TENM2: variants seen among roughly 807,000 people sequenced by gnomAD.
The protein encoded by TENM2 is teneurin-2.
TENM2 carries 52 observed loss-of-function variants against 245.2 expected under a neutral mutation model. The observed-to-expected ratio is 0.21, with a 90% CI of 0.17 to 0.27. The LOEUF is 0.27. TENM2 is among the 10% of genes least tolerant of loss of function. The probability of loss-of-function intolerance (pLI) is 1.00; values close to 1 mark genes in which losing one functional copy is unlikely to be tolerated. For synonymous variants in TENM2, 1,363 were observed against 1,438.9 expected (o/e 0.95, Z 1.19); for missense variants, 3,046 against 3,666.8 (o/e 0.83, Z 4.37).
chr5:167,436,759 A>G (rs1397123526), intron 2 of TENM2, among the ~76,000 whole-genome samples: 1 of 152,082 alleles, frequency 6.6e-6, no homozygotes, highest in Non-Finnish European at 1.5e-5. Context: ...GCCATGACTA[A>G]AAGGGGCCAA....
At chr5:167,710,890 G>A (rs1352204925) in intron 2 of TENM2, among the ~76,000 whole-genome samples, 1 of 152,172 alleles carries the variant, frequency 6.6e-6, no homozygotes, top group Non-Finnish European at 1.5e-5. Flanking sequence ...CGGTAATCTA[G>A]GGCAAAGATG....
chr5:168,192,661 C>T (rs755386766), intron 14 of TENM2, among the ~76,000 whole-genome samples: 8 of 152,142 alleles, frequency 5.3e-5, no homozygotes, highest in Non-Finnish European at 8.8e-5. Flanking sequence ...AAAGAAACCA[C>T]AGATCTCTGA....
At chr5:167,876,238 G>A (rs1265599485) in intron 3 of TENM2, 43 bp downstream of exon 5, 1 of 1,457,766 alleles carries the variant, frequency 6.9e-7, no homozygotes, top group Non-Finnish European at 9.4e-7. Flanking sequence ...TGTTTCGTGA[G>A]TGACATTCTT....
chr5:167,705,991 ATTTATT>A (rs1328405777), intron 2 of TENM2, among the ~76,000 whole-genome samples: 21 of 72,798 alleles, frequency 2.9e-4, no homozygotes, highest in African/African-American at 1.8e-3. Flanking sequence ...ATATATATAT[ATTTATT>A]TATTTATTTA....
At chr5:168,079,915 G>C (rs1791830576) in intron 7 of TENM2, among the ~76,000 whole-genome samples, 1 of 152,154 alleles carries the variant, frequency 6.6e-6, no homozygotes, top group Non-Finnish European at 1.5e-5. Flanking sequence ...TCTCTGCCAG[G>C]CTTTGGTATC....
chr5:168,100,924 T>TAAA (rs11307488), intron 9 of TENM2, among the ~76,000 whole-genome samples: 6 of 138,470 alleles, frequency 4.3e-5, no homozygotes, highest in African/African-American at 1.6e-4. Flanking sequence ...CAAGTATAAT[T>TAAA]AAAAAAAAAA....
At chr5:167,439,693 A>G (rs1176348595) in intron 2 of TENM2, among the ~76,000 whole-genome samples, 1 of 152,236 alleles carries the variant, frequency 6.6e-6, no homozygotes, top group Non-Finnish European at 1.5e-5. Flanking sequence ...ATTGGCATGT[A>G]GTAACTTTCT....
intron 1 of TENM2, among the ~76,000 whole-genome samples, chr5:167,324,516 C>G (rs1057266842): frequency 3.9e-5 from 6 of 151,918 alleles, no homozygotes; most frequent in African/African-American, 1.5e-4. Flanking sequence ...CTGTTTTGAT[C>G]ACAAAACTCT....
intron 2 of TENM2, among the ~76,000 whole-genome samples, chr5:167,685,560 T>C (rs377037454): frequency 2.0e-5 from 3 of 152,344 alleles, no homozygotes; most frequent in Non-Finnish European, 4.4e-5. Flanking sequence ...TTCATTGATA[T>C]ATCAGTAGTT....
At chr5:167,749,667 C>T (rs1028928488) in intron 2 of TENM2, among the ~76,000 whole-genome samples, 2 of 151,400 alleles carry the variant, frequency 1.3e-5, no homozygotes, top group African/African-American at 2.4e-5. Flanking sequence ...GGGAAGAGAG[C>T]AATATTTATA....
Position 168,179,835 on chromosome 5 carries a change from G to A in TENM2, c.2570-10502G>A, listed in dbSNP as rs561959111. ...TGGTGGTGTCTTAATAAAGGCATGCGTTTAAAGTACCTAACCCAGTGCCAG... is the reference window on the plus strand; with the variant it reads ...TGGTGGTGTCTTAATAAAGGCATGCATTTAAAGTACCTAACCCAGTGCCAG... On this transcript the variant is annotated intron_variant, in intron 13 of 28. Coordinates refer to ENST00000518659, the Ensembl canonical transcript of TENM2. 2.6e-4 allele frequency among the ~76,000 whole-genome samples: 40 copies of A among 152,310 alleles called. 1 individual carries two copies. Among genetic ancestry groups the A allele is most frequent in the Middle Eastern group, 3.4e-3 (1 of 294 alleles).
At chr5:167,897,729 T>C (rs1212595154) in intron 3 of TENM2, among the ~76,000 whole-genome samples, 1 of 152,126 alleles carries the variant, frequency 6.6e-6, no homozygotes, top group African/African-American at 2.4e-5. Context: ...CTGCCTCAGG[T>C]TTGTCAAAGG....
chr5:167,764,700 A>G (rs550627251), intron 2 of TENM2, among the ~76,000 whole-genome samples: 6 of 152,268 alleles, frequency 3.9e-5, no homozygotes, highest in Admixed American at 3.3e-4. Flanking sequence ...GTCCCAGTCT[A>G]TCACCCGTAT....
intron 2 of TENM2, among the ~76,000 whole-genome samples, chr5:167,820,249 G>C (rs1045424383): frequency 6.6e-6 from 1 of 152,204 alleles, no homozygotes; most frequent in Non-Finnish European, 1.5e-5. Context: ...AAGAGAGGGG[G>C]AGAAATATAT....
At chr5:167,027,556 A>G in the TENM2 span, among the ~76,000 whole-genome samples, 1 of 152,348 alleles carries the variant, frequency 6.6e-6, no homozygotes, top group South Asian at 2.1e-4. Flanking sequence ...TGCCATTGGT[A>G]TAGATCATCG....
chr5:167,809,837 A>G (rs928526091), intron 2 of TENM2, among the ~76,000 whole-genome samples: 1 of 152,286 alleles, frequency 6.6e-6, no homozygotes, highest in East Asian at 1.9e-4. Flanking sequence ...ATAGAAAAAC[A>G]GAATTCCAAA....
intron 2 of TENM2, among the ~76,000 whole-genome samples, chr5:167,465,612 G>C (rs1251169945): frequency 6.6e-6 from 1 of 152,192 alleles, no homozygotes; most frequent in Non-Finnish European, 1.5e-5. Flanking sequence ...GGCGGATCAC[G>C]AGGTCAGGAA....
chr5:167,993,950 G>GTA lies in TENM2; in HGVS notation c.1186+768_1186+769insTA, dbSNP rs1454144546. Among the ~76,000 whole-genome samples, 9 of 152,352 alleles carry GTA rather than the reference G, an allele frequency of 5.9e-5. No homozygotes were observed. The East Asian group carries it at 1.7e-3, about 29-fold the overall frequency. On this transcript the variant is annotated intron_variant, in intron 5 of 28. Coordinates refer to ENST00000518659, the Ensembl canonical transcript of TENM2. ...GTGTAGCCGTGTCACCACAGAAAGT[G>GTA]GCAGATGCTGAGCGCCCAGGGGCAG...
At chr5:167,058,081 C>A in the TENM2 span, among the ~76,000 whole-genome samples, 1 of 152,112 alleles carries the variant, frequency 6.6e-6, no homozygotes, top group Non-Finnish European at 1.5e-5. Flanking sequence ...CAGGGGCCAG[C>A]AGTTTGACCA....
Sources: gnomAD v4.1 joint callset for allele counts (sites outside exome capture counted in the v4.1 genomes callset) on GRCh38, gnomAD v4.1.1 for gene constraint, MANE v1.5 for transcripts, NCBI Gene and HGNC (gene_info 2026-07-23, HGNC 2026-07-21) for gene names.